RORA: variants seen among roughly 807,000 people sequenced by gnomAD.
RORA encodes the protein RAR related orphan receptor A, also known as nuclear receptor ROR-alpha.
A neutral mutation model predicts 69.5 loss-of-function variants in RORA; 7 were observed. The ratio of observed to expected loss-of-function variants is 0.10; its 90% CI spans 0.06 to 0.19. RORA has a LOEUF of 0.19. RORA is among the 10% of genes least tolerant of loss of function. The pLI is 1.00. For synonymous variants in RORA, 261 were observed against 240.8 expected (o/e 1.08, Z -0.78); for missense variants, 457 against 663.0 (o/e 0.69, Z 3.41).
chr15:60,852,364 C>T (rs1354991397), intron 1 of RORA, among the ~76,000 whole-genome samples: 1 of 152,214 alleles, frequency 6.6e-6, no homozygotes, highest in East Asian at 1.9e-4. Flanking sequence ...AGCTGCACAG[C>T]TGTGCGTGAT....
chr15:60,838,808 G>A (rs2073153728), intron 1 of RORA, among the ~76,000 whole-genome samples: 1 of 146,860 alleles, frequency 6.8e-6, no homozygotes, highest in Non-Finnish European at 1.5e-5. Flanking sequence ...GGAGCATTTG[G>A]CTTTCCACCT....
At chr15:61,123,806 C>A (rs1387721928) in intron 1 of RORA, among the ~76,000 whole-genome samples, 1 of 152,178 alleles carries the variant, frequency 6.6e-6, no homozygotes, top group African/African-American at 2.4e-5. Context: ...GTCTCCCTAA[C>A]CTCCATGTCC....
chr15:60,762,557 C>A (rs1013650040), intron 1 of RORA, among the ~76,000 whole-genome samples: 50 of 151,754 alleles, frequency 3.3e-4, no homozygotes, highest in African/African-American at 1.0e-3. Flanking sequence ...ACACACACAC[C>A]CACGCACACA....
At chr15:60,775,040 C>G (rs1277930172) in intron 1 of RORA, among the ~76,000 whole-genome samples, 6 of 152,160 alleles carry the variant, frequency 3.9e-5, no homozygotes, top group Admixed American at 3.9e-4. Flanking sequence ...TGAGACACCC[C>G]ACACGTCTAA....
chr15:61,090,456 G>T (rs997318173), intron 1 of RORA, among the ~76,000 whole-genome samples: 3 of 152,126 alleles, frequency 2.0e-5, no homozygotes, highest in Non-Finnish European at 4.4e-5. Flanking sequence ...TGAGAATCTT[G>T]CCACCTAGTG....
intron 1 of RORA, among the ~76,000 whole-genome samples, chr15:60,920,395 C>T (rs1892006672): frequency 6.6e-6 from 1 of 152,164 alleles, no homozygotes; most frequent in Non-Finnish European, 1.5e-5. Context: ...GGATTTGAAC[C>T]TATGCCCATT....
At chr15:60,708,614 A>G (rs2071100942) in intron 1 of RORA, among the ~76,000 whole-genome samples, 1 of 152,086 alleles carries the variant, frequency 6.6e-6, no homozygotes, top group South Asian at 2.1e-4. Flanking sequence ...CTTGCACAAA[A>G]ATTATTGCAT....
At chr15:60,670,989 C>T (rs1241536993) in intron 2 of RORA, among the ~76,000 whole-genome samples, 1 of 150,290 alleles carries the variant, frequency 6.7e-6, no homozygotes, top group Non-Finnish European at 1.5e-5. Flanking sequence ...AAGTGTAAAT[C>T]CAGTCCTAAG....
chr15:60,709,419 C>G (rs1024927160), intron 1 of RORA, among the ~76,000 whole-genome samples: 3 of 152,146 alleles, frequency 2.0e-5, no homozygotes, highest in Admixed American at 2.0e-4. Context: ...TCCTTTGATT[C>G]TAAAGCCCAT....
rs532529777 is a variant in RORA, at chr15:60,568,035, T to C, written c.197-36184A>G. ...ATTCTTTGTTGTGGCTAGATGCTAATAGCACTCTCGAATTGTATTAATCAA... is the reference window on the plus strand; with the variant it reads ...ATTCTTTGTTGTGGCTAGATGCTAACAGCACTCTCGAATTGTATTAATCAA... On this transcript the variant is annotated intron_variant, in intron 2 of 10. Coordinates refer to ENST00000335670, the MANE Select transcript of RORA (RefSeq NM_134261.3). 3.9e-5 allele frequency among the ~76,000 whole-genome samples: 6 copies of C among 152,328 alleles called. No individual in the cohort carries two copies. The East Asian group carries it at 9.7e-4, about 25-fold the overall frequency.
chr15:60,500,924 C>T (rs199846755), intron 9 of RORA, 35 bp downstream of exon 9: 86 of 1,262,032 alleles, frequency 6.8e-5, no homozygotes, highest in Middle Eastern at 2.3e-4. Flanking sequence ...TTAGACAATT[C>T]GAAAACCATT....
intron 1 of RORA, among the ~76,000 whole-genome samples, chr15:60,702,789 C>T (rs968896814): frequency 1.3e-5 from 2 of 152,160 alleles, no homozygotes; most frequent in Non-Finnish European, 2.9e-5. Flanking sequence ...ATGTTTAAAA[C>T]TTCATTCTTG....
chr15:60,743,947 G>C (rs750504472), intron 1 of RORA, among the ~76,000 whole-genome samples: 9 of 152,116 alleles, frequency 5.9e-5, no homozygotes, highest in Non-Finnish European at 1.2e-4. Context: ...AAAGAAGCAA[G>C]ACCATTTGGT....
intron 1 of RORA, among the ~76,000 whole-genome samples, chr15:60,949,482 G>A (rs1893014057): frequency 6.6e-6 from 1 of 152,134 alleles, no homozygotes; most frequent in Non-Finnish European, 1.5e-5. Flanking sequence ...ATGCCACACA[G>A]CCCTGGACCC....
chr15:60,741,741 C>G (rs913717195), intron 1 of RORA, among the ~76,000 whole-genome samples: 1 of 152,184 alleles, frequency 6.6e-6, no homozygotes, highest in African/African-American at 2.4e-5. Context: ...AGGTGCAGCC[C>G]TCTCCCTGGA....
At chr15:61,063,188 T>G (rs923254865) in intron 1 of RORA, among the ~76,000 whole-genome samples, 11 of 152,164 alleles carry the variant, frequency 7.2e-5, no homozygotes, top group African/African-American at 2.7e-4. Flanking sequence ...CTCAATAATA[T>G]CTGAACCCTT....
chr15:60,861,253 A>G (rs1230033008), intron 1 of RORA, among the ~76,000 whole-genome samples: 1 of 152,184 alleles, frequency 6.6e-6, no homozygotes, highest in African/African-American at 2.4e-5. Flanking sequence ...CTTAATGTCA[A>G]TAACATATCT....
intron 1 of RORA, among the ~76,000 whole-genome samples, chr15:61,208,932 T>A (rs1172503785): frequency 1.3e-5 from 2 of 152,236 alleles, no homozygotes; most frequent in Non-Finnish European, 2.9e-5. Flanking sequence ...TCATACTGGA[T>A]AACCCATGAT....
chr15:60,949,077 G>A (rs1296040013), intron 1 of RORA, among the ~76,000 whole-genome samples: 2 of 152,206 alleles, frequency 1.3e-5, no homozygotes, highest in African/African-American at 2.4e-5. Flanking sequence ...ATACAGCACA[G>A]TAGTGGTGTC....
Sources: allele counts gnomAD v4.1 joint callset (sites outside exome capture counted in the v4.1 genomes callset), GRCh38; gene constraint gnomAD v4.1.1; transcripts MANE v1.5; gene names NCBI Gene and HGNC (gene_info 2026-07-23, HGNC 2026-07-21).